The following CTC1 variants were observed in gnomAD, a reference collection of about 807,000 sequenced individuals.
CTC1 encodes the protein CST telomere replication complex component 1, also known as CST complex subunit CTC1.
A neutral mutation model predicts 136.3 loss-of-function variants in CTC1; 91 were observed. That is an observed-to-expected ratio of 0.67 (90% confidence interval 0.56 to 0.79). CTC1 has a LOEUF of 0.79. Among genes scored for constraint, CTC1 ranks in the 30% least tolerant of loss-of-function variants. CTC1 has a pLI of 0.00. For missense variants in CTC1, 1,432 were observed against 1,498.1 expected, an observed-to-expected ratio of 0.96 and a Z score of 0.73; for synonymous variants, 606 against 613.8, an observed-to-expected ratio of 0.99 and a Z score of 0.19.
At position 8,230,436 on chromosome 17, in the gene CTC1, G is replaced by A; in HGVS notation, c.2791C>T (p.Leu931=). 6.2e-7 allele frequency: 1 copy of A among 1,614,116 alleles called. No individual in the cohort carries two copies. Among genetic ancestry groups the A allele is most frequent in the African/African-American group, 1.3e-5 (1 of 75,062 alleles). The change falls in exon 17 of 23, where the codon CTA becomes TTA. Residue 931 remains leucine, a synonymous_variant. Coordinates refer to ENST00000651323, the MANE Select transcript of CTC1 (RefSeq NM_025099.6). ...NTGAMRRCVK[L]TVALETAECE... ...TCAGCAGTCTCAAGAGCGACTGTTAGCTTCACACACCTTCTCATGGCCCCC... is the reference window on the plus strand; with the variant it reads ...TCAGCAGTCTCAAGAGCGACTGTTAACTTCACACACCTTCTCATGGCCCCC...
chr17:8,235,042 A>G lies in CTC1; in HGVS notation c.1439+11T>C, dbSNP rs752137234. ...CACTGCCTCCCCGCCCTGGGCCCTC[A>G]GCCTCCTCACTTGCAGGCCAGCTCC... On this transcript the variant is annotated intron_variant, in intron 8 of 22. Coordinates refer to ENST00000651323, the MANE Select transcript of CTC1 (RefSeq NM_025099.6). 6.2e-7 allele frequency: 1 copy of G among 1,613,238 alleles called. No homozygotes were observed. The highest frequency in any genetic ancestry group is 1.1e-5 in the South Asian group (1 of 91,068).
At position 8,225,926 on chromosome 17, in the gene CTC1, T is replaced by A. The variant is rs1024366650; in HGVS notation, c.*2254A>T. 6.6e-6 allele frequency: 1 copy of A among 151,594 alleles called. No individual in the cohort carries two copies. Among genetic ancestry groups the A allele is most frequent in the Non-Finnish European group, 1.5e-5 (1 of 67,944 alleles). 9.4% of individuals were successfully genotyped at this position (151,594 alleles called of 1,614,324 possible). A position where few individuals can be genotyped will look rare whatever the true frequency, so the allele number is the denominator to read the frequency against. On this transcript the variant is annotated 3_prime_UTR_variant, in exon 23 of 23. Coordinates refer to ENST00000651323, the MANE Select transcript of CTC1 (RefSeq NM_025099.6). ...TCAGGTTCTAGGGGACGTCCTAGGG[T>A]GGAGAAAGAGGCCTGGAAGGTGGGC...
Position 8,228,293 on chromosome 17 carries a change from A to G in CTC1, c.3541T>C (p.Cys1181Arg). ...TGAGTCAGGAAAGGGAGCTCTCCACACTGGAATCGCTGTAGCCGAGGAGGT... is the reference window on the plus strand; with the variant it reads ...TGAGTCAGGAAAGGGAGCTCTCCACGCTGGAATCGCTGTAGCCGAGGAGGT... ...LEPPRLQRFQCGELPFLTHVN... is the reference protein window; with the variant it reads ...LEPPRLQRFQRGELPFLTHVN... Residue 1181 changes from cysteine to arginine, a missense_variant, in exon 23 of 23, where the codon TGT becomes CGT. Transcript: ENST00000651323. The G allele has an allele frequency of 6.2e-7, 1 of 1,614,150 alleles. No individual in the cohort carries two copies. Among genetic ancestry groups the G allele is most frequent in the Non-Finnish European group, 8.5e-7 (1 of 1,180,024 alleles).
chr17:8,235,351 G>A, intron 7 of CTC1, 66 bp from the exon 8 acceptor site: 1 of 1,261,008 alleles, frequency 7.9e-7, no homozygotes. Context: ...CCCAGGCAGA[G>A]TTAACCGCAC....
In CTC1 at chr17:8,241,849, C is replaced by CAAA. The variant is rs59476896; in HGVS notation, c.197+1133_197+1135dup. On this transcript the variant is annotated intron_variant, in intron 2 of 22. Transcript: ENST00000651323. ...TGGGGGACAGAGTGAGACCCTGTCT[C>CAAA]AAAAAAAAAAAAAAAAAAAGCAAAT... 1.2e-3 allele frequency among the ~76,000 whole-genome samples: 114 copies of CAAA among 96,146 alleles called. 1 individual carries two copies. The highest frequency in any genetic ancestry group is 1.5e-3 in the Non-Finnish European group (80 of 51,956). The allele number at this position is 96,146 out of a possible 152,430, so 63.1% of individuals were successfully genotyped here.
rs1415071945 is a variant in CTC1 at position 8,229,311 on chromosome 17, G to C, written c.3147C>G (p.Ile1049Met). The change falls in exon 19 of 23, where the codon ATC (isoleucine) becomes ATG (methionine). Residue 1049 changes from isoleucine (I) to methionine (M), a missense_variant. Ile to Met is a conservative substitution (Grantham distance 10). Coordinates refer to ENST00000651323, the MANE Select transcript of CTC1 (RefSeq NM_025099.6). ...LFWVCAYCTSICRQGKCTRLG... is the reference protein window; with the variant it reads ...LFWVCAYCTSMCRQGKCTRLG... ...TCCTTCCCTCCCTTACCTGCCGGCAGATGCTGGTACAATAAGCACACACCC... is the reference window on the plus strand; with the variant it reads ...TCCTTCCCTCCCTTACCTGCCGGCACATGCTGGTACAATAAGCACACACCC... 8 of 1,614,230 alleles carry C rather than the reference G, an allele frequency of 5.0e-6. No individual in the cohort carries two copies. The highest frequency in any genetic ancestry group is 6.8e-6 in the Non-Finnish European group (8 of 1,180,048).
Position 8,238,167 on chromosome 17 carries a change from A to AAGTGCCCTTCC in CTC1, c.510_511insGGAAGGGCACT (p.Trp171GlyfsTer25). On this transcript the variant is annotated frameshift_variant, in exon 4 of 23. Coordinates refer to ENST00000651323, the MANE Select transcript of CTC1 (RefSeq NM_025099.6). LOFTEE classifies it high-confidence loss of function. ...AAGTGCCCTTCCCCTGAGGAATTCC[A>AAGTGCCCTTCC]CCTGGCAGGAGGGAGGTAACTCCAA... 2.5e-6 allele frequency: 4 copies of AAGTGCCCTTCC among 1,614,082 alleles called. No individual in the cohort carries two copies. Among genetic ancestry groups the AAGTGCCCTTCC allele is most frequent in the Non-Finnish European group, 3.4e-6 (4 of 1,179,948 alleles).
At chr17:8,233,421 T>C (rs754685648) in intron 10 of CTC1, 7 of 171,036 alleles carry the variant, frequency 4.1e-5, no homozygotes, top group Non-Finnish European at 8.8e-5. Flanking sequence ...GCTCAGGAGG[T>C]GGAGATCAGC....
chr17:8,224,829 C>G lies in CTC1; in HGVS notation c.*3351G>C, dbSNP rs1332917071. Reference sequence around the variant, plus strand: ...AAGAACTAACAAACAGCTGATCATTCGTTTATTTTATTTCATTTTTTTGAG... The same window carrying G: ...AAGAACTAACAAACAGCTGATCATTGGTTTATTTTATTTCATTTTTTTGAG... On this transcript the variant is annotated 3_prime_UTR_variant, in exon 23 of 23. Transcript: ENST00000651323. 1 of 152,052 alleles carries G rather than the reference C, an allele frequency of 6.6e-6. No homozygotes were observed. The highest frequency in any genetic ancestry group is 1.5e-5 in the Non-Finnish European group (1 of 68,004). The allele number at this position is 152,052 out of a possible 1,614,324, so 9.4% of individuals were successfully genotyped here. A position where few individuals can be genotyped will look rare whatever the true frequency, so the allele number is the denominator to read the frequency against.
At chr17:8,233,287 A>G (rs1987403865) in intron 10 of CTC1, 1 of 421,638 alleles carries the variant, frequency 2.4e-6, no homozygotes, top group African/African-American at 2.0e-5. Context: ...CTCACAGGAC[A>G]CAATGAGACG....
intron 5 of CTC1, 130 bp downstream of exon 5, chr17:8,237,245 G>A (rs1987807482): frequency 4.1e-6 from 4 of 972,376 alleles, no homozygotes; most frequent in African/African-American, 1.6e-5. Context: ...TCCCAACAGC[G>A]CTATTCCAGA....
intron 2 of CTC1, among the ~76,000 whole-genome samples, chr17:8,241,950 C>G (rs1988258125): frequency 6.6e-6 from 1 of 150,764 alleles, no homozygotes; most frequent in African/African-American, 2.4e-5. Context: ...CATTATATTG[C>G]TTAAGGATAG....
rs1384784407 is a variant in CTC1 at position 8,243,249 on chromosome 17, GTGGCTCACGCCTGTAATCCCAACACTT to G, written c.34-128_34-102del. On this transcript the variant is annotated intron_variant, in intron 1 of 22. Coordinates refer to ENST00000651323, the MANE Select transcript of CTC1 (RefSeq NM_025099.6). Reference sequence around the variant, plus strand: ...GAAAAAAATATCCGGGCCGGGTGCGGTGGCTCACGCCTGTAATCCCAACACTTTGGGAGGCTGAGGCAGGCGGATCAC... The same window carrying G: ...GAAAAAAATATCCGGGCCGGGTGCGGTGGGAGGCTGAGGCAGGCGGATCAC... The G allele has an allele frequency of 4.4e-6, 5 of 1,138,280 alleles. No homozygotes were observed. The African/African-American group carries it at 7.8e-5, about 18-fold the overall frequency. 70.5% of individuals were successfully genotyped at this position (1,138,280 alleles called of 1,614,324 possible). A position where few individuals can be genotyped will look rare whatever the true frequency, so the allele number is the denominator to read the frequency against.
At chr17:8,229,271 C>A (rs371038095) in intron 19 of CTC1, 31 bp downstream of exon 19, 1 of 1,614,120 alleles carries the variant, frequency 6.2e-7, no homozygotes, top group Admixed American at 1.7e-5. Context: ...GCACTCCATA[C>A]TCAGTTCAGC....
At chr17:8,231,839 C>T in intron 13 of CTC1, 24 bp from the exon 14 acceptor site, 1 of 1,613,966 alleles carries the variant, frequency 6.2e-7, no homozygotes, top group Non-Finnish European at 8.5e-7. Context: ...GAGCAAAGTG[C>T]TGGGATCCTA....
chr17:8,229,661 T>C lies in CTC1; in HGVS notation c.3012-215A>G, dbSNP rs371131122. 2.6e-5 allele frequency among the ~76,000 whole-genome samples: 4 copies of C among 152,304 alleles called. No individual in the cohort carries two copies. The South Asian group carries it at 6.2e-4, about 24-fold the overall frequency. ...ACACCATGATGTTAGCCAAGAAATA[T>C]TTGCATGTTAAGACTGAAAAGCCTT... On this transcript the variant is annotated intron_variant, in intron 18 of 22. Coordinates refer to ENST00000651323, the MANE Select transcript of CTC1 (RefSeq NM_025099.6).
In CTC1 at chr17:8,235,851, G is replaced by A. The variant is rs764019241; in HGVS notation, c.1186C>T (p.Arg396Ter). 5.0e-6 allele frequency: 8 copies of A among 1,612,342 alleles called. No homozygotes were observed. The Admixed American group carries it at 5.0e-5, about 10-fold the overall frequency. ...QQFRGLRRVMRPGVCLQLQDV... is the reference protein window; with the variant it reads ...QQFRGLRRVM ...CATACCTGCAGACACACTCCAGGTC[G>A]CATCACCCGCCTAAGGCCACGGAAC... The change falls in exon 7 of 23, where the codon CGA becomes TGA. Residue 396 changes from arginine (R) to a stop codon, truncating the protein, a stop_gained. Transcript: ENST00000651323. LOFTEE classifies it high-confidence loss of function.
chr17:8,232,680 G>T lies in CTC1; in HGVS notation c.1946-205C>A. The T allele has an allele frequency of 4.4e-6, 3 of 689,104 alleles. No individual in the cohort carries two copies. The South Asian group carries it at 5.4e-5, about 12-fold the overall frequency. The allele number at this position is 689,104 out of a possible 1,614,324, so 42.7% of individuals were successfully genotyped here. A position where few individuals can be genotyped will look rare whatever the true frequency, so the allele number is the denominator to read the frequency against. ...TGTAGGAGACACAGTTGTAATCCTG[G>T]AGTGCATGTTAGGAGCTACGGTGGA... On this transcript the variant is annotated intron_variant, in intron 11 of 22. Transcript: ENST00000651323.
chr17:8,233,269 T>C (rs1204820328), intron 10 of CTC1: 4 of 484,680 alleles, frequency 8.3e-6, no homozygotes, highest in African/African-American at 2.0e-5. Context: ...TAAGAGGCCA[T>C]GCGGGATCTC....
Sources: gnomAD v4.1 joint callset for allele counts (sites outside exome capture counted in the v4.1 genomes callset) on GRCh38, gnomAD v4.1.1 for gene constraint, MANE v1.5 for transcripts, NCBI Gene and HGNC (gene_info 2026-07-23, HGNC 2026-07-21) for gene names.